The following ICA1 variants were observed in gnomAD, a reference collection of about 807,000 sequenced individuals.
ICA1 encodes islet cell autoantigen 1, also known as 69 kDa islet cell autoantigen.
In ICA1, 40 loss-of-function variants were observed where a neutral mutation model predicts 71.0. The observed-to-expected ratio is 0.56, with a 90% CI of 0.44 to 0.73. The LOEUF (loss-of-function observed/expected upper bound fraction) is 0.73, where lower values mean the gene tolerates loss of function less well. Ranked by LOEUF, ICA1 falls within the 30% of genes least tolerant of loss-of-function variation. ICA1 has a pLI of 0.00. For missense variants in ICA1, 578 were observed against 576.5 expected (o/e 1.00, Z -0.03); for synonymous variants, 207 against 209.5 (o/e 0.99, Z 0.10).
chr7:8,202,765 C>T (rs1047461126), intron 6 of ICA1, among the ~76,000 whole-genome samples: 7 of 152,176 alleles, frequency 4.6e-5, no homozygotes, highest in African/African-American at 1.7e-4. Flanking sequence ...TAACAAACTG[C>T]AGAGTAAAAT....
intron 6 of ICA1, among the ~76,000 whole-genome samples, chr7:8,190,558 T>C (rs1225856096): frequency 4.6e-5 from 7 of 151,768 alleles, no homozygotes; most frequent in Non-Finnish European, 2.9e-5. Context: ...TGCAGGATTC[T>C]AACACCTCAC....
chr7:8,147,634 G>A (rs34047959), intron 8 of ICA1, among the ~76,000 whole-genome samples: 19,276 of 151,250 alleles, frequency 0.13, 1,329 homozygotes, highest in Non-Finnish European at 0.16. Context: ...AAGCAAAATT[G>A]ATACTGAGCA....
At chr7:8,187,505 C>T (rs1394421527) in intron 6 of ICA1, among the ~76,000 whole-genome samples, 1 of 152,232 alleles carries the variant, frequency 6.6e-6, no homozygotes, top group East Asian at 1.9e-4. Context: ...CAGGACATTA[C>T]TGTACACTAC....
intron 6 of ICA1, among the ~76,000 whole-genome samples, chr7:8,215,234 C>T (rs1795031641): frequency 6.6e-6 from 1 of 152,090 alleles, no homozygotes; most frequent in South Asian, 2.1e-4. Context: ...CCCCCATCTC[C>T]ACACTCACCT....
intron 8 of ICA1, among the ~76,000 whole-genome samples, chr7:8,151,605 A>G (rs1201135421): frequency 6.6e-6 from 1 of 152,166 alleles, no homozygotes; most frequent in African/African-American, 2.4e-5. Flanking sequence ...CTAAAATAGC[A>G]TTGCAGGGAT....
chr7:8,260,821 C>G (rs1174657211), intron 1 of ICA1, among the ~76,000 whole-genome samples: 1 of 152,188 alleles, frequency 6.6e-6, no homozygotes, highest in Admixed American at 6.5e-5. Flanking sequence ...TATGAAATTG[C>G]ATCGGGAGCC....
At chr7:8,115,987 A>G (rs539559566) in intron 13 of ICA1, among the ~76,000 whole-genome samples, 2 of 152,234 alleles carry the variant, frequency 1.3e-5, no homozygotes, top group African/African-American at 4.8e-5. Flanking sequence ...GGGACCACCC[A>G]ACCACATGTA....
chr7:8,215,882 T>C (rs1159931622), intron 6 of ICA1, among the ~76,000 whole-genome samples: 4 of 152,140 alleles, frequency 2.6e-5, no homozygotes, highest in Admixed American at 6.5e-5. Flanking sequence ...CCTAGATGAC[T>C]CAGAAACACG....
intron 6 of ICA1, among the ~76,000 whole-genome samples, chr7:8,192,765 C>A (rs887761388): frequency 6.6e-6 from 1 of 152,134 alleles, no homozygotes; most frequent in Non-Finnish European, 1.5e-5. Flanking sequence ...ATCAAAGTAG[C>A]TCATGGATTC....
At chr7:8,201,763 G>T (rs1789782532) in intron 6 of ICA1, among the ~76,000 whole-genome samples, 1 of 152,220 alleles carries the variant, frequency 6.6e-6, no homozygotes, top group Non-Finnish European at 1.5e-5. Context: ...AAACTTGCCA[G>T]GGAATGGCAC....
At chr7:8,211,872 G>T (rs1487824083) in intron 6 of ICA1, among the ~76,000 whole-genome samples, 1 of 152,158 alleles carries the variant, frequency 6.6e-6, no homozygotes, top group African/African-American at 2.4e-5. Context: ...CCATGGTATT[G>T]TGAAAGGAGC....
At chr7:8,183,419 T>C (rs1227617879) in intron 6 of ICA1, among the ~76,000 whole-genome samples, 1 of 152,156 alleles carries the variant, frequency 6.6e-6, no homozygotes, top group Non-Finnish European at 1.5e-5. Flanking sequence ...GATACACACA[T>C]ACTGATGTGT....
intron 6 of ICA1, among the ~76,000 whole-genome samples, chr7:8,161,632 AG>A (rs1803847680): frequency 6.6e-6 from 1 of 152,022 alleles, no homozygotes; most frequent in Admixed American, 6.6e-5. Flanking sequence ...GACCAGCTGG[AG>A]GGGGGTGAGA....
chr7:8,256,131 G>A (rs1030325234), intron 1 of ICA1, among the ~76,000 whole-genome samples: 1 of 152,112 alleles, frequency 6.6e-6, no homozygotes, highest in Admixed American at 6.5e-5. Flanking sequence ...CTTAAAAAGC[G>A]ATTGAATGCA....
intron 13 of ICA1, 46 bp downstream of exon 13, chr7:8,127,827 A>C: frequency 6.5e-7 from 1 of 1,533,782 alleles, no homozygotes; most frequent in Non-Finnish European, 8.8e-7. Context: ...GAAAACAAAA[A>C]GAATGAACAA....
At chr7:8,195,358 T>C (rs1276432971) in intron 6 of ICA1, among the ~76,000 whole-genome samples, 1 of 152,030 alleles carries the variant, frequency 6.6e-6, no homozygotes, top group African/African-American at 2.4e-5. Flanking sequence ...CTGGCCATCA[T>C]GGTGAAACCC....
chr7:8,237,226 T>G (rs1802127812), intron 1 of ICA1, among the ~76,000 whole-genome samples: 1 of 152,176 alleles, frequency 6.6e-6, no homozygotes, highest in African/African-American at 2.4e-5. Context: ...AAGTAAGCTC[T>G]GCCCTCCACT....
At chr7:8,152,843 T>TACCACCATCACCATCACCTCCACCACC (rs1562704604) in intron 8 of ICA1, among the ~76,000 whole-genome samples, 11 of 69,202 alleles carry the variant, frequency 1.6e-4, no homozygotes, top group Non-Finnish European at 3.2e-4. Flanking sequence ...CCCCCACCAC[T>TACCACCATCACCATCACCTCCACCACC]ACCACCATCA....
intron 10 of ICA1, 78 bp from the exon 11 acceptor site, chr7:8,139,125 A>G: frequency 8.9e-7 from 1 of 1,128,950 alleles, no homozygotes; most frequent in Admixed American, 1.8e-5. Context: ...AGTGTAAGGT[A>G]AATGCACGGC....
Sources: allele counts gnomAD v4.1 joint callset (sites outside exome capture counted in the v4.1 genomes callset), GRCh38; gene constraint gnomAD v4.1.1; transcripts MANE v1.5; gene names NCBI Gene and HGNC (gene_info 2026-07-23, HGNC 2026-07-21).